The following ITGA9 variants were observed in gnomAD, a reference collection of about 807,000 sequenced individuals.
The protein encoded by ITGA9 is integrin subunit alpha 9.
In ITGA9, 56 loss-of-function variants were observed where a neutral mutation model predicts 127.8. That is an observed-to-expected ratio of 0.44 (90% CI 0.35 to 0.55). ITGA9 has a LOEUF of 0.55. Among genes scored for constraint, ITGA9 ranks in the 20% least tolerant of loss-of-function variants. The probability of loss-of-function intolerance (pLI) is 0.00; values close to 1 mark genes in which losing one functional copy is unlikely to be tolerated. For missense variants in ITGA9, 1,196 were observed against 1,347.1 expected, an observed-to-expected ratio of 0.89 and a Z score of 1.76; for synonymous variants, 508 against 514.5, an observed-to-expected ratio of 0.99 and a Z score of 0.17.
chr3:37,778,882 T>C (rs958691545), intron 24 of ITGA9, among the ~76,000 whole-genome samples: 4 of 149,488 alleles, frequency 2.7e-5, no homozygotes, highest in Non-Finnish European at 4.5e-5. Flanking sequence ...GTTTTTTTTT[T>C]TTTTTTTTTT....
At chr3:37,708,844 C>T (rs1174744306) in intron 18 of ITGA9, among the ~76,000 whole-genome samples, 4 of 152,246 alleles carry the variant, frequency 2.6e-5, no homozygotes, top group Admixed American at 6.5e-5. Flanking sequence ...GTATCCCTCT[C>T]AGGCGTATGA....
At chr3:37,710,766 A>T (rs137857671) in intron 18 of ITGA9, among the ~76,000 whole-genome samples, 83 of 152,340 alleles carry the variant, frequency 5.4e-4, no homozygotes, top group African/African-American at 1.8e-3. Context: ...GCCAAAATAC[A>T]AGGAAGGCTT....
At chr3:37,746,092 A>G (rs1696496847) in intron 22 of ITGA9, 1 of 152,234 alleles carries the variant, frequency 6.6e-6, no homozygotes, top group South Asian at 2.1e-4. Context: ...GTCCTGCAGG[A>G]AGGTCACTAA....
chr3:37,463,879 C>T (rs1266341278), intron 1 of ITGA9, among the ~76,000 whole-genome samples: 1 of 152,090 alleles, frequency 6.6e-6, no homozygotes, highest in African/African-American at 2.4e-5. Flanking sequence ...CAGAGAGAGG[C>T]TCTCTAAAAG....
chr3:37,608,659 T>C (rs1172862459), intron 15 of ITGA9, among the ~76,000 whole-genome samples: 2 of 152,226 alleles, frequency 1.3e-5, no homozygotes, highest in South Asian at 2.1e-4. Context: ...CACTTCTCTC[T>C]TCCAATAAAA....
intron 15 of ITGA9, among the ~76,000 whole-genome samples, chr3:37,588,369 C>A (rs907436650): frequency 7.5e-5 from 10 of 132,654 alleles, no homozygotes; most frequent in African/African-American, 2.4e-4. Context: ...TGGCAATGGG[C>A]CTTCTGTGCA....
rs143067186 is a variant in ITGA9 at position 37,798,743 on chromosome 3, A to G, written c.2890-5080A>G. 4.4e-3 allele frequency among the ~76,000 whole-genome samples: 673 copies of G among 152,294 alleles called. 3 individuals are homozygous for G. Among genetic ancestry groups the G allele is most frequent in the African/African-American group, 0.016 (653 of 41,556 alleles). On this transcript the variant is annotated intron_variant, in intron 26 of 27. Coordinates refer to ENST00000264741, the MANE Select transcript of ITGA9 (RefSeq NM_002207.3). ...CTTGTAGGGTATTAGCCAGTTTTGT[A>G]TTTGATTTAGTAATCTGATTTCAGT...
chr3:37,628,166 C>T (rs548612905), intron 15 of ITGA9, among the ~76,000 whole-genome samples: 7 of 152,282 alleles, frequency 4.6e-5, no homozygotes, highest in African/African-American at 1.7e-4. Flanking sequence ...CCTGCTGCCA[C>T]TCTCCTGTCT....
chr3:37,582,876 A>G (rs539510775), intron 15 of ITGA9, among the ~76,000 whole-genome samples: 1 of 152,344 alleles, frequency 6.6e-6, no homozygotes, highest in East Asian at 1.9e-4. Flanking sequence ...TATACTTAAC[A>G]ACATTGGAAT....
At chr3:37,518,796 TTTTTTTG>T (rs1389772890) in intron 10 of ITGA9, among the ~76,000 whole-genome samples, 11 of 132,340 alleles carry the variant, frequency 8.3e-5, no homozygotes, top group South Asian at 5.8e-4. Flanking sequence ...TTTTTTTTTT[TTTTTTTG>T]AGATGGAGTC....
chr3:37,479,153 G>A (rs1445754429), intron 3 of ITGA9, among the ~76,000 whole-genome samples: 1 of 152,126 alleles, frequency 6.6e-6, no homozygotes, highest in African/African-American at 2.4e-5. Context: ...AGTGATTCAA[G>A]TTTGCGAGCC....
chr3:37,521,730 G>T (rs1293974126), intron 11 of ITGA9, among the ~76,000 whole-genome samples: 1 of 152,218 alleles, frequency 6.6e-6, no homozygotes, highest in African/African-American at 2.4e-5. Flanking sequence ...AGATCCAGGG[G>T]CAGGCTGCTG....
chr3:37,608,411 G>A lies in ITGA9; in HGVS notation c.1690-20776G>A, dbSNP rs144629071. 6.0e-5 allele frequency among the ~76,000 whole-genome samples: 9 copies of A among 150,886 alleles called. No homozygotes were observed. The East Asian group carries it at 1.6e-3, about 26-fold the overall frequency. On this transcript the variant is annotated intron_variant, in intron 15 of 27. Coordinates refer to ENST00000264741, the MANE Select transcript of ITGA9 (RefSeq NM_002207.3). ...CAATGCAAACAAACATAGATTTAGT[G>A]GAAAATGACTCAACCAAGTAAGATT...
intron 23 of ITGA9, among the ~76,000 whole-genome samples, chr3:37,763,434 C>T (rs1445101297): frequency 6.6e-6 from 1 of 152,180 alleles, no homozygotes; most frequent in Non-Finnish European, 1.5e-5. Flanking sequence ...GATTTCTGAC[C>T]TTTGAAATGC....
chr3:37,780,015 G>C lies in ITGA9; in HGVS notation c.2781G>C (p.Leu927=), dbSNP rs530264645. ...ACATGCTGCTGAACACAGAAATACT[G>C]AAAAAGGTAAGCCCTAATGAACCGC... ...DIYMLLNTEI[L]KKDSSSVIQF... Residue 927 remains leucine, a synonymous_variant, in exon 25 of 28, where the codon CTG becomes CTC. Transcript: ENST00000264741. 4.3e-6 allele frequency: 7 copies of C among 1,613,816 alleles called. No individual in the cohort carries two copies.
chr3:37,713,517 A>T (rs1371555324), intron 18 of ITGA9, among the ~76,000 whole-genome samples: 1 of 152,124 alleles, frequency 6.6e-6, no homozygotes, highest in Non-Finnish European at 1.5e-5. Flanking sequence ...TCAAATTAAA[A>T]AGACAAGAAA....
intron 15 of ITGA9, among the ~76,000 whole-genome samples, chr3:37,583,141 A>G (rs997003256): frequency 6.6e-6 from 1 of 152,132 alleles, no homozygotes; most frequent in Non-Finnish European, 1.5e-5. Context: ...TTTGTTTACA[A>G]ATCTTTATTT....
chr3:37,523,878 GA>G (rs1258226371), intron 12 of ITGA9, among the ~76,000 whole-genome samples: 1 of 152,062 alleles, frequency 6.6e-6, no homozygotes, highest in Non-Finnish European at 1.5e-5. Flanking sequence ...TTCTAATGAA[GA>G]AAAAAAGCAC....
At chr3:37,456,586 C>T (rs545983429) in intron 1 of ITGA9, among the ~76,000 whole-genome samples, 5 of 152,222 alleles carry the variant, frequency 3.3e-5, no homozygotes, top group Non-Finnish European at 7.3e-5. Flanking sequence ...GTTGGGTGCA[C>T]TGGCTTCCTT....
Sources: allele counts gnomAD v4.1 joint callset (sites outside exome capture counted in the v4.1 genomes callset), GRCh38; gene constraint gnomAD v4.1.1; transcripts MANE v1.5; gene names NCBI Gene and HGNC (gene_info 2026-07-23, HGNC 2026-07-21).